ADAMTSL1: variants seen among roughly 807,000 people sequenced by gnomAD.
ADAMTSL1 encodes ADAMTS-like protein 1.
A neutral mutation model predicts 201.8 loss-of-function variants in ADAMTSL1; 126 were observed. The observed-to-expected ratio is 0.62, with a 90% CI of 0.54 to 0.72. The LOEUF is 0.72. ADAMTSL1 is among the 30% of genes least tolerant of loss of function. The pLI is 0.00. For synonymous variants in ADAMTSL1, 1,121 were observed against 903.4 expected (o/e 1.24, Z -4.32); for missense variants, 2,679 against 2,277.8 (o/e 1.18, Z -3.59).
intron 7 of ADAMTSL1, among the ~76,000 whole-genome samples, chr9:18,648,212 C>CT (rs1827945796): frequency 7.5e-6 from 1 of 133,332 alleles, no homozygotes; most frequent in Non-Finnish European, 1.7e-5. Flanking sequence ...ATTGCCAACC[C>CT]TGCCTTTTTT....
intron 2 of ADAMTSL1, among the ~76,000 whole-genome samples, chr9:18,268,927 C>G (rs1465313697): frequency 6.6e-6 from 1 of 152,020 alleles, no homozygotes; most frequent in Non-Finnish European, 1.5e-5. Context: ...TCTCAATAAG[C>G]TAAACTTTCA....
intron 15 of ADAMTSL1, among the ~76,000 whole-genome samples, chr9:18,742,636 T>A (rs1818904135): frequency 6.6e-6 from 1 of 151,912 alleles, no homozygotes. Flanking sequence ...GAACATGAAG[T>A]CAGGAAAAGC....
At chr9:18,352,484 G>A (rs1836016439) in intron 2 of ADAMTSL1, among the ~76,000 whole-genome samples, 1 of 152,140 alleles carries the variant, frequency 6.6e-6, no homozygotes, top group South Asian at 2.1e-4. Context: ...GCCTTGTTCT[G>A]TATGTAACTG....
intron 9 of ADAMTSL1, among the ~76,000 whole-genome samples, chr9:18,666,003 T>C (rs1397670320): frequency 2.0e-5 from 3 of 152,194 alleles, no homozygotes; most frequent in African/African-American, 7.2e-5. Flanking sequence ...ATTGAGATCA[T>C]ACTTTATACA....
At chr9:18,234,134 A>C (rs1485797239) in intron 2 of ADAMTSL1, among the ~76,000 whole-genome samples, 3 of 152,106 alleles carry the variant, frequency 2.0e-5, no homozygotes, top group Admixed American at 6.5e-5. Context: ...GGGGGGTGAG[A>C]GTGAGAAAAA....
At chr9:18,429,331 T>C (rs868036791) in intron 2 of ADAMTSL1, among the ~76,000 whole-genome samples, 38 of 152,284 alleles carry the variant, frequency 2.5e-4, no homozygotes, top group African/African-American at 8.9e-4. Flanking sequence ...GATTGCAAAA[T>C]AGCTCTGTGT....
At chr9:18,133,509 T>C (rs899370853) in intron 1 of ADAMTSL1, among the ~76,000 whole-genome samples, 1 of 152,198 alleles carries the variant, frequency 6.6e-6, no homozygotes, top group Non-Finnish European at 1.5e-5. Flanking sequence ...AAACTAGTGA[T>C]TTTCAGTCCT....
At chr9:18,356,730 G>A (rs921672560) in intron 2 of ADAMTSL1, among the ~76,000 whole-genome samples, 1 of 151,838 alleles carries the variant, frequency 6.6e-6, no homozygotes, top group Non-Finnish European at 1.5e-5. Context: ...CAAGGGAAAA[G>A]CTCCATGATC....
At position 18,170,765 on chromosome 9, in the gene ADAMTSL1, C is replaced by G. The variant is rs368252041; in HGVS notation, c.207+6784C>G. Reference sequence around the variant, plus strand: ...CCCCTCTCAGAAAGGCCAGCCCATGCTCTGCCCTGGAGAGAATGGATGTGT... The same window carrying G: ...CCCCTCTCAGAAAGGCCAGCCCATGGTCTGCCCTGGAGAGAATGGATGTGT... On this transcript the variant is annotated intron_variant, in intron 2 of 29. Coordinates refer to the ADAMTSL1 transcript ENST00000680146. Among the ~76,000 whole-genome samples, 14 of 152,226 alleles carry G rather than the reference C, an allele frequency of 9.2e-5. No individual in the cohort carries two copies. The South Asian group carries it at 2.5e-3, about 27-fold the overall frequency.
Position 17,924,473 on chromosome 9 carries a change from C to G in ADAMTSL1, c.87+17551C>G, listed in dbSNP as rs559581199. Among the ~76,000 whole-genome samples, 3 of 152,074 alleles carry G rather than the reference C, an allele frequency of 2.0e-5. No homozygotes were observed. The East Asian group carries it at 5.8e-4, about 29-fold the overall frequency. ...ATTTCTGTGGGATCGGTGGTGATATCCAAAACAGCATGGTACTGGTACCAA... is the reference window on the plus strand; with the variant it reads ...ATTTCTGTGGGATCGGTGGTGATATGCAAAACAGCATGGTACTGGTACCAA... On this transcript the variant is annotated intron_variant, in intron 1 of 29. Transcript: ENST00000680146.
intron 1 of ADAMTSL1, among the ~76,000 whole-genome samples, chr9:18,106,462 G>A (rs1824766447): frequency 6.6e-6 from 1 of 152,154 alleles, no homozygotes; most frequent in African/African-American, 2.4e-5. Context: ...TTCAGGACAA[G>A]TTTCAACTCT....
At chr9:18,665,798 G>A (rs1472066825) in intron 9 of ADAMTSL1, among the ~76,000 whole-genome samples, 2 of 151,926 alleles carry the variant, frequency 1.3e-5, no homozygotes, top group Non-Finnish European at 2.9e-5. Flanking sequence ...TTGACATCTC[G>A]CCTATACTCT....
intron 1 of ADAMTSL1, among the ~76,000 whole-genome samples, chr9:17,985,435 A>G (rs1818886030): frequency 6.6e-6 from 1 of 152,168 alleles, no homozygotes; most frequent in Non-Finnish European, 1.5e-5. Flanking sequence ...AAATTTAAAT[A>G]GGCAGATTTA....
chr9:18,471,494 A>C (rs887661251), upstream of ADAMTSL1, among the ~76,000 whole-genome samples: 1 of 152,250 alleles, frequency 6.6e-6, no homozygotes, highest in Non-Finnish European at 1.5e-5. Context: ...TTTGTAAACC[A>C]TAAAGATGGC....
chr9:18,195,515 C>A (rs1829141177), intron 2 of ADAMTSL1, among the ~76,000 whole-genome samples: 1 of 152,130 alleles, frequency 6.6e-6, no homozygotes, highest in Non-Finnish European at 1.5e-5. Flanking sequence ...TTGTCTGACT[C>A]CACGTCTCAT....
chr9:18,419,665 G>A (rs543689155), intron 2 of ADAMTSL1, among the ~76,000 whole-genome samples: 5 of 150,878 alleles, frequency 3.3e-5, no homozygotes, highest in South Asian at 4.2e-4. Context: ...AATAAATCTC[G>A]AAAGTATGCT....
intron 5 of ADAMTSL1, among the ~76,000 whole-genome samples, chr9:18,633,746 GA>G (rs1826931212): frequency 6.9e-6 from 1 of 145,088 alleles, no homozygotes; most frequent in South Asian, 2.2e-4. Context: ...AACAATGTAT[GA>G]CATTAAAAAC....
intron 17 of ADAMTSL1, among the ~76,000 whole-genome samples, chr9:18,773,985 G>A (rs991667709): frequency 6.6e-6 from 1 of 152,196 alleles, no homozygotes. Flanking sequence ...TTCTTTCAGG[G>A]TAGCATATAT....
At chr9:18,248,651 A>G (rs1302670120) in intron 2 of ADAMTSL1, among the ~76,000 whole-genome samples, 1 of 152,154 alleles carries the variant, frequency 6.6e-6, no homozygotes, top group African/African-American at 2.4e-5. Context: ...CAGGACTAGG[A>G]TTCTTCCACG....
Sources: allele counts gnomAD v4.1 joint callset (sites outside exome capture counted in the v4.1 genomes callset), GRCh38; gene constraint gnomAD v4.1.1; transcripts MANE v1.5; gene names NCBI Gene and HGNC (gene_info 2026-07-23, HGNC 2026-07-21).